Variants in MAGI2 observed in about 807,000 individuals in gnomAD.
MAGI2 encodes membrane-associated guanylate kinase, WW and PDZ domain-containing protein 2.
A neutral mutation model predicts 133.3 loss-of-function variants in MAGI2; 35 were observed. The ratio of observed to expected loss-of-function variants is 0.26; its 90% CI spans 0.20 to 0.35. The LOEUF is 0.35. Among genes scored for constraint, MAGI2 ranks in the 10% least tolerant of loss-of-function variants. The probability of loss-of-function intolerance (pLI) is 1.00; values close to 1 mark genes in which losing one functional copy is unlikely to be tolerated. For missense variants in MAGI2, 1,636 were observed against 1,863.4 expected, an observed-to-expected ratio of 0.88 and a Z score of 2.25; for synonymous variants, 729 against 710.6, an observed-to-expected ratio of 1.03 and a Z score of -0.41.
At chr7:78,758,238 T>C (rs1189896222) in intron 2 of MAGI2, among the ~76,000 whole-genome samples, 1 of 152,182 alleles carries the variant, frequency 6.6e-6, no homozygotes, top group Admixed American at 6.5e-5. Flanking sequence ...TCTTGTATCC[T>C]ATTGGTCTCC....
chr7:79,156,191 C>G (rs1010148177), intron 1 of MAGI2, among the ~76,000 whole-genome samples: 3 of 152,026 alleles, frequency 2.0e-5, no homozygotes, highest in Non-Finnish European at 2.9e-5. Flanking sequence ...GACTTGCTTT[C>G]CAATCTGATT....
At chr7:79,439,310 C>G (rs1487658343) in intron 1 of MAGI2, among the ~76,000 whole-genome samples, 2 of 152,084 alleles carry the variant, frequency 1.3e-5, no homozygotes, top group Non-Finnish European at 2.9e-5. Flanking sequence ...ACATTTCCAC[C>G]TGTCCTATCT....
At chr7:78,178,640 T>C (rs187735904) in intron 13 of MAGI2, among the ~76,000 whole-genome samples, 1 of 152,046 alleles carries the variant, frequency 6.6e-6, no homozygotes, top group African/African-American at 2.4e-5. Context: ...ATAGAAGTTG[T>C]CTCTTTTAAA....
intron 1 of MAGI2, among the ~76,000 whole-genome samples, chr7:79,313,734 A>G (rs555081068): frequency 6.6e-5 from 10 of 152,168 alleles, no homozygotes; most frequent in African/African-American, 2.4e-4. Context: ...TAATAAGATA[A>G]ATGTTCATAC....
At position 78,757,059 on chromosome 7, in the gene MAGI2, T is replaced by C. The variant is rs141386289; in HGVS notation, c.419-129820A>G. On this transcript the variant is annotated intron_variant, in intron 2 of 21. Coordinates refer to ENST00000354212, the MANE Select transcript of MAGI2 (RefSeq NM_012301.4). ...CTCTAATACATCTCCCACCATAATC[T>C]TGCTTCCTTCTTCACAGAGAAATTG... 3.3e-3 allele frequency among the ~76,000 whole-genome samples: 507 copies of C among 152,244 alleles called. 1 individual carries two copies. Among genetic ancestry groups the C allele is most frequent in the African/African-American group, 0.012 (489 of 41,558 alleles).
intron 2 of MAGI2, among the ~76,000 whole-genome samples, chr7:78,965,421 C>T (rs1803225466): frequency 6.6e-6 from 1 of 151,736 alleles, no homozygotes; most frequent in South Asian, 2.1e-4. Context: ...ATTATGTTCC[C>T]TTTGCTAGTC....
intron 1 of MAGI2, among the ~76,000 whole-genome samples, chr7:79,049,559 G>C (rs1812488948): frequency 6.6e-6 from 1 of 151,932 alleles, no homozygotes; most frequent in African/African-American, 2.4e-5. Flanking sequence ...TTTGATGTTT[G>C]CCAACATACA....
chr7:79,275,067 C>A (rs1835139904), intron 1 of MAGI2, among the ~76,000 whole-genome samples: 1 of 152,030 alleles, frequency 6.6e-6, no homozygotes, highest in African/African-American at 2.4e-5. Context: ...AACAAATAAC[C>A]TACAATATCC....
rs1433620799 is a variant in MAGI2, at chr7:78,225,060, C to T, written c.2048-23867G>A. On this transcript the variant is annotated intron_variant, in intron 10 of 21. Transcript: ENST00000354212. Reference sequence around the variant, plus strand: ...GATATCCTGGAAGCAAACTACCTGCCGGCCTGGCTTCTGCACACTGCTTCC... The same window carrying T: ...GATATCCTGGAAGCAAACTACCTGCTGGCCTGGCTTCTGCACACTGCTTCC... Among the ~76,000 whole-genome samples, 8 of 152,108 alleles carry T rather than the reference C, an allele frequency of 5.3e-5. No individual in the cohort carries two copies. The East Asian group carries it at 5.8e-4, about 11-fold the overall frequency.
At chr7:79,184,222 C>T (rs1826869152) in intron 1 of MAGI2, among the ~76,000 whole-genome samples, 1 of 151,454 alleles carries the variant, frequency 6.6e-6, no homozygotes, top group Admixed American at 6.6e-5. Flanking sequence ...ATAATGTACA[C>T]ATATATTAAA....
At chr7:79,406,102 T>G (rs1845789758) in intron 1 of MAGI2, among the ~76,000 whole-genome samples, 1 of 152,108 alleles carries the variant, frequency 6.6e-6, no homozygotes, top group African/African-American at 2.4e-5. Context: ...AAGTTTCCTG[T>G]GTAAATTCTA....
intron 1 of MAGI2, among the ~76,000 whole-genome samples, chr7:79,064,603 A>G (rs951985772): frequency 2.0e-5 from 3 of 152,118 alleles, no homozygotes; most frequent in East Asian, 1.9e-4. Flanking sequence ...AAGTCTGTGC[A>G]TAACTACATT....
chr7:78,461,206 TGGACA>T (rs1789950768), intron 6 of MAGI2, among the ~76,000 whole-genome samples: 1 of 152,112 alleles, frequency 6.6e-6, no homozygotes, highest in African/African-American at 2.4e-5. Context: ...TGCGAAGAGG[TGGACA>T]TATTACCTGT....
chr7:79,202,914 C>T (rs1371190261), intron 1 of MAGI2, among the ~76,000 whole-genome samples: 1 of 151,878 alleles, frequency 6.6e-6, no homozygotes, highest in South Asian at 2.1e-4. Flanking sequence ...CTCAAAAATC[C>T]AACCATCTAC....
chr7:78,474,925 G>A (rs550271970), intron 6 of MAGI2, among the ~76,000 whole-genome samples: 1 of 151,810 alleles, frequency 6.6e-6, no homozygotes, highest in Admixed American at 6.6e-5. Context: ...TAAACTATTG[G>A]AAAGCTATTA....
At chr7:78,457,608 A>G (rs1789458459) in intron 6 of MAGI2, among the ~76,000 whole-genome samples, 1 of 152,232 alleles carries the variant, frequency 6.6e-6, no homozygotes, top group African/African-American at 2.4e-5. Context: ...TTTTAATAAA[A>G]GTAATAAAAA....
intron 1 of MAGI2, among the ~76,000 whole-genome samples, chr7:79,155,629 G>A (rs528488890): frequency 2.0e-5 from 3 of 152,180 alleles, no homozygotes; most frequent in South Asian, 2.1e-4. Context: ...AAAGGCAAAG[G>A]GGGACCAGAG....
chr7:78,747,248 G>A (rs73365859), intron 2 of MAGI2, among the ~76,000 whole-genome samples: 4,779 of 152,026 alleles, frequency 0.031, 239 homozygotes, highest in African/African-American at 0.11. Flanking sequence ...TAAATAATGC[G>A]GTTTTATATA....
intron 1 of MAGI2, among the ~76,000 whole-genome samples, chr7:79,136,242 A>G (rs1821561629): frequency 6.6e-6 from 1 of 152,236 alleles, no homozygotes; most frequent in South Asian, 2.1e-4. Context: ...ATTTCCATCC[A>G]ACACTATGTA....
Sources: allele counts gnomAD v4.1 joint callset (sites outside exome capture counted in the v4.1 genomes callset), GRCh38; gene constraint gnomAD v4.1.1; transcripts MANE v1.5; gene names NCBI Gene and HGNC (gene_info 2026-07-23, HGNC 2026-07-21).